The following SLC9A7 variants were observed in gnomAD, a reference collection of about 807,000 sequenced individuals.
SLC9A7 encodes sodium/hydrogen exchanger 7.
In SLC9A7, 19 loss-of-function variants were observed where a neutral mutation model predicts 52.6. That is an observed-to-expected ratio of 0.36 (90% CI 0.25 to 0.53). The LOEUF is 0.53. SLC9A7 is among the 20% of genes least tolerant of loss of function. SLC9A7 has a pLI of 0.91. For missense variants in SLC9A7, 455 were observed against 597.9 expected (o/e 0.76, Z 2.49); for synonymous variants, 226 against 252.1 (o/e 0.90, Z 0.98).
intron 4 of SLC9A7, among the ~76,000 whole-genome samples, chrX:46,671,759 C>T (rs1247854178): frequency 1.8e-5 from 2 of 112,068 alleles, no homozygotes; most frequent in East Asian, 2.8e-4. Flanking sequence ...ATACTATCAA[C>T]GTGACTTACC....
intron 14 of SLC9A7, among the ~76,000 whole-genome samples, chrX:46,624,459 G>A (rs1300207732): frequency 8.9e-6 from 1 of 112,335 alleles, no homozygotes; most frequent in African/African-American, 3.2e-5. Flanking sequence ...CATTAAAAGT[G>A]GTGTGAATGT....
At chrX:46,709,721 G>A (rs191380193) in intron 1 of SLC9A7, among the ~76,000 whole-genome samples, 274 of 112,118 alleles carry the variant, frequency 2.4e-3, no homozygotes, top group African/African-American at 8.5e-3. Flanking sequence ...GCTAACTGAA[G>A]GTGAATTCTA....
chrX:46,661,618 A>G (rs1433440715), intron 7 of SLC9A7, among the ~76,000 whole-genome samples: 1 of 111,073 alleles, frequency 9.0e-6, no homozygotes, highest in Non-Finnish European at 1.9e-5. Context: ...CTATCGCCAC[A>G]TAACACCATG....
intron 1 of SLC9A7, among the ~76,000 whole-genome samples, chrX:46,688,859 A>C (rs774251369): frequency 9.0e-6 from 1 of 111,075 alleles, no homozygotes; most frequent in Admixed American, 9.6e-5. Flanking sequence ...TAAAAAAAAA[A>C]CCCAAACTTT....
chrX:46,628,215 G>A (rs745590775), intron 14 of SLC9A7, among the ~76,000 whole-genome samples: 49 of 112,277 alleles, frequency 4.4e-4, no homozygotes, highest in Non-Finnish European at 8.3e-4. Context: ...TGAATGATGT[G>A]TCTGCATGTA....
At chrX:46,721,390 G>A (rs1051299675) in intron 1 of SLC9A7, among the ~76,000 whole-genome samples, 22 of 111,930 alleles carry the variant, frequency 2.0e-4, no homozygotes, top group African/African-American at 6.8e-4. Flanking sequence ...GATGCAAATA[G>A]TTCCCCTCGG....
intron 1 of SLC9A7, among the ~76,000 whole-genome samples, chrX:46,756,830 G>C (rs1309602842): frequency 1.8e-5 from 2 of 112,052 alleles, no homozygotes; most frequent in Non-Finnish European, 3.8e-5. Flanking sequence ...AAATAAAACA[G>C]TACACTGTAG....
chrX:46,694,505 T>C lies in SLC9A7; in HGVS notation c.326-11970A>G, dbSNP rs750381028. On this transcript the variant is annotated intron_variant, in intron 1 of 16. Transcript: ENST00000616978. ...ACGAAAAGATGGTCAACATTATAGATCATTCAGGAAATGCAGATTAAAACC... is the reference window on the plus strand; with the variant it reads ...ACGAAAAGATGGTCAACATTATAGACCATTCAGGAAATGCAGATTAAAACC... Among the ~76,000 whole-genome samples, 32 of 111,492 alleles carry C rather than the reference T, an allele frequency of 2.9e-4. 1 individual carries two copies. Among genetic ancestry groups the C allele is most frequent in the Middle Eastern group, 4.6e-3 (1 of 217 alleles).
chrX:46,749,573 T>C (rs1256593941), intron 1 of SLC9A7, among the ~76,000 whole-genome samples: 1 of 111,847 alleles, frequency 8.9e-6, no homozygotes, highest in Middle Eastern at 4.6e-3. Flanking sequence ...CTTAACATTT[T>C]TTCCCCTAAA....
chrX:46,724,244 C>T (rs1239007903), intron 1 of SLC9A7, among the ~76,000 whole-genome samples: 1 of 111,039 alleles, frequency 9.0e-6, no homozygotes, highest in Non-Finnish European at 1.9e-5. Flanking sequence ...CTCAATTATT[C>T]CTCACAAAAG....
At chrX:46,728,070 T>C (rs917593115) in intron 1 of SLC9A7, among the ~76,000 whole-genome samples, 4 of 112,107 alleles carry the variant, frequency 3.6e-5, no homozygotes, top group Non-Finnish European at 7.5e-5. Context: ...TGAGAGCGGT[T>C]AATTTGATAT....
chrX:46,690,139 A>C (rs1440418547), intron 1 of SLC9A7, among the ~76,000 whole-genome samples: 1 of 112,037 alleles, frequency 8.9e-6, no homozygotes, highest in African/African-American at 3.2e-5. Context: ...TACAATAGCA[A>C]AGACTTGGAA....
chrX:46,731,017 A>G (rs1243655205), intron 1 of SLC9A7, among the ~76,000 whole-genome samples: 1 of 109,134 alleles, frequency 9.2e-6, no homozygotes, highest in Admixed American at 1.0e-4. Flanking sequence ...AAGAACCAGG[A>G]AGACTCAGGG....
chrX:46,717,217 T>A (rs2146948710), intron 1 of SLC9A7, among the ~76,000 whole-genome samples: 1 of 112,309 alleles, frequency 8.9e-6, no homozygotes, highest in African/African-American at 3.2e-5. Context: ...ATACCAAAGG[T>A]CAGGTGATTA....
rs1374399246 is a variant in SLC9A7 at position 46,635,589 on chromosome X, C to CT, written c.1675dup (p.Arg559LysfsTer5). On this transcript the variant is annotated frameshift_variant and splice_region_variant, in exon 13 of 17. Transcript: ENST00000616978. LOFTEE classifies it high-confidence loss of function. ...TTTTCTGAGGATGCCCTTGTGTCAC[C>CT]TGAAGTACTGCCAGTGGTGTTCATT... 5 of 1,207,184 alleles carry CT rather than the reference C, an allele frequency of 4.1e-6. No homozygotes were observed. Among genetic ancestry groups the CT allele is most frequent in the African/African-American group, 1.7e-5 (1 of 57,743 alleles).
In SLC9A7 at chrX:46,669,675, T is replaced by C; in HGVS notation, c.725A>G (p.Gln242Arg). 3 of 1,192,460 alleles carry C rather than the reference T, an allele frequency of 2.5e-6. No homozygotes were observed. The highest frequency in any genetic ancestry group is 3.4e-6 in the Non-Finnish European group (3 of 883,254). Residue 242 changes from glutamine to arginine, a missense_variant, in exon 5 of 17, where the codon CAG becomes CGG. Coordinates refer to ENST00000616978, the MANE Select transcript of SLC9A7 (RefSeq NM_001257291.2). The part of the protein sequence containing the change: ...GVVKLMKIMG[Q>R]LSDKFYYTDC... ...TGTGTAGTAAAATTTATCTGAGAGC[T>C]GTCCCATAATCTTCATGAGCTTCAC...
intron 1 of SLC9A7, among the ~76,000 whole-genome samples, chrX:46,731,344 C>T (rs759323103): frequency 3.1e-4 from 33 of 107,108 alleles, no homozygotes; most frequent in Non-Finnish European, 5.6e-4. Flanking sequence ...GTAATCCCAG[C>T]ACTTTGGGAG....
At chrX:46,731,432 T>A (rs1441987180) in intron 1 of SLC9A7, among the ~76,000 whole-genome samples, 3 of 78,274 alleles carry the variant, frequency 3.8e-5, no homozygotes, top group African/African-American at 1.2e-4. Flanking sequence ...TATAAAAAAT[T>A]AAAAAAAATT....
At chrX:46,618,681 C>T (rs1329146250) in intron 15 of SLC9A7, among the ~76,000 whole-genome samples, 3 of 112,215 alleles carry the variant, frequency 2.7e-5, no homozygotes, top group Non-Finnish European at 3.8e-5. Flanking sequence ...TGGTGGCTCA[C>T]GCCTGTAATC....
Sources: gnomAD v4.1 joint callset for allele counts (sites outside exome capture counted in the v4.1 genomes callset) on GRCh38, gnomAD v4.1.1 for gene constraint, MANE v1.5 for transcripts, NCBI Gene and HGNC (gene_info 2026-07-23, HGNC 2026-07-21) for gene names.